ABCA10: variants seen among roughly 807,000 people sequenced by gnomAD.
ABCA10 encodes the protein ATP-binding cassette sub-family A member 10.
Under a neutral mutation model 187.5 loss-of-function variants are expected in ABCA10, and 169 were observed. That is an observed-to-expected ratio of 0.90 (90% CI 0.80 to 1.02). ABCA10 has a LOEUF of 1.02. Among genes scored for constraint, ABCA10 ranks in the 50% least tolerant of loss-of-function variants. The probability of loss-of-function intolerance (pLI) is 0.00; values close to 1 mark genes in which losing one functional copy is unlikely to be tolerated. For missense variants in ABCA10, 1,727 were observed against 1,812.4 expected (o/e 0.95, Z 0.86); for synonymous variants, 574 against 601.8 (o/e 0.95, Z 0.68).
At chr17:69,179,465 C>T in intron 22 of ABCA10, among the ~76,000 whole-genome samples, 1 of 152,168 alleles carries the variant, frequency 6.6e-6, no homozygotes, top group East Asian at 1.9e-4. Flanking sequence ...GGGTGAAAGG[C>T]TACCTGGAAA....
chr17:69,209,489 A>G (rs2074620065), intron 9 of ABCA10, among the ~76,000 whole-genome samples: 1 of 152,256 alleles, frequency 6.6e-6, no homozygotes, highest in Non-Finnish European at 1.5e-5. Context: ...CGATAGTACA[A>G]TAAAGATTAA....
At chr17:69,200,509 G>T (rs997777733) in intron 10 of ABCA10, among the ~76,000 whole-genome samples, 1 of 152,110 alleles carries the variant, frequency 6.6e-6, no homozygotes, top group African/African-American at 2.4e-5. Context: ...TAAATACCTA[G>T]GGAAGTATGC....
At chr17:69,190,620 C>T (rs2074452795) in intron 17 of ABCA10, 143 bp from the exon 18 acceptor site, 4 of 717,260 alleles carry the variant, frequency 5.6e-6, no homozygotes, top group East Asian at 3.5e-5. Context: ...GAAACCTTTT[C>T]TGTAAGATAT....
At chr17:69,211,293 A>T (rs12946022) in intron 9 of ABCA10, among the ~76,000 whole-genome samples, 57,774 of 119,112 alleles carry the variant, frequency 0.49, 13,877 homozygotes, top group Non-Finnish European at 0.55. Flanking sequence ...TATATATATC[A>T]TATATATACA....
intron 5 of ABCA10, among the ~76,000 whole-genome samples, chr17:69,220,403 G>C (rs890904373): frequency 6.6e-6 from 1 of 152,194 alleles, no homozygotes; most frequent in Admixed American, 6.5e-5. Context: ...CACTCCCATA[G>C]TTTAGGCAAG....
At chr17:69,226,122 T>C (rs1467847375) in intron 2 of ABCA10, among the ~76,000 whole-genome samples, 5 of 152,062 alleles carry the variant, frequency 3.3e-5, no homozygotes, top group African/African-American at 4.8e-5. Flanking sequence ...TGTAGTGGGA[T>C]AGTGGTAATG....
At position 69,184,762 on chromosome 17, in the gene ABCA10, A is replaced by T. The variant is rs560385642; in HGVS notation, c.2497+715T>A. 8.0e-4 allele frequency among the ~76,000 whole-genome samples: 122 copies of T among 152,210 alleles called. 1 individual carries two copies. Among genetic ancestry groups the T allele is most frequent in the African/African-American group, 2.8e-3 (116 of 41,530 alleles). ...AGATACTTGCACACACATTTATAGC[A>T]GCACAGTTCACAATTGTGAAAATAT... On this transcript the variant is annotated intron_variant, in intron 20 of 38. Coordinates refer to ENST00000690296, the MANE Select transcript of ABCA10 (RefSeq NM_001377321.1).
At chr17:69,210,847 C>CATATATATATATATATATATATAT (rs57227408) in intron 9 of ABCA10, among the ~76,000 whole-genome samples, 930 of 37,346 alleles carry the variant, frequency 0.025, 23 homozygotes, top group Non-Finnish European at 0.046. Flanking sequence ...ATTTATGCCA[C>CATATATATATATATATATATATAT]ATATATATAT....
intron 1 of ABCA10, chr17:69,244,211 TTA>T (rs2074925857): frequency 6.6e-6 from 1 of 152,122 alleles, no homozygotes; most frequent in African/African-American, 2.4e-5. Flanking sequence ...CATACCTAGT[TTA>T]TGTTTAAAAT....
At position 69,174,703 on chromosome 17, in the gene ABCA10, G is replaced by A. The variant is rs765574663; in HGVS notation, c.2952C>T (p.Asp984=). 3 of 1,612,326 alleles carry A rather than the reference G, an allele frequency of 1.9e-6. No homozygotes were observed. The highest frequency in any genetic ancestry group is 2.2e-5 in the South Asian group (2 of 90,900). ...SAYWCGQALV[D]IPLYFLILFS... ...AGAGAATCAAGAAGTATAATGGAAT[G>A]TCCACCAGAGCCTGTCCACACCAGT... The change falls in exon 24 of 39, where the codon GAC becomes GAT. Residue 984 remains aspartate, a synonymous_variant. Coordinates refer to ENST00000690296, the MANE Select transcript of ABCA10 (RefSeq NM_001377321.1).
At chr17:69,180,283 T>C (rs1273503421) in intron 22 of ABCA10, among the ~76,000 whole-genome samples, 2 of 152,186 alleles carry the variant, frequency 1.3e-5, no homozygotes, top group Non-Finnish European at 2.9e-5. Context: ...CACTCATTCA[T>C]CCATTCAACA....
chr17:69,216,120 A>C, intron 7 of ABCA10, 97 bp downstream of exon 7: 1 of 1,544,128 alleles, frequency 6.5e-7, no homozygotes. Flanking sequence ...TAGGATAGAA[A>C]ATATAGTGAT....
In ABCA10 at chr17:69,195,203, G is replaced by A. The variant is rs73358092; in HGVS notation, c.1235-708C>T. 4.4e-3 allele frequency among the ~76,000 whole-genome samples: 663 copies of A among 152,184 alleles called. 3 individuals are homozygous for A. The highest frequency in any genetic ancestry group is 0.015 in the African/African-American group (618 of 41,502). ...TGAAGACAGAAAACAGAGGGAATTAGATTGTCAGAGCGTCAAAAATCAGGC... is the reference window on the plus strand; with the variant it reads ...TGAAGACAGAAAACAGAGGGAATTAAATTGTCAGAGCGTCAAAAATCAGGC... On this transcript the variant is annotated intron_variant, in intron 11 of 38. Transcript: ENST00000690296.
chr17:69,210,181 T>TTTTTC (rs2074629178), intron 9 of ABCA10, among the ~76,000 whole-genome samples: 4 of 95,596 alleles, frequency 4.2e-5, no homozygotes, highest in African/African-American at 2.2e-4. Context: ...TTTTTTTTTT[T>TTTTTC]TTTTTTTTTT....
intron 10 of ABCA10, among the ~76,000 whole-genome samples, chr17:69,201,069 A>T (rs2074540086): frequency 6.6e-6 from 1 of 152,234 alleles, no homozygotes; most frequent in Admixed American, 6.5e-5. Context: ...AGTTTAACTG[A>T]AAGTCACAAA....
In ABCA10 at chr17:69,214,687, C is replaced by T. The variant is rs1268439834; in HGVS notation, c.1006+17G>A. The T allele has an allele frequency of 1.2e-5, 17 of 1,450,008 alleles. No homozygotes were observed. Among genetic ancestry groups the T allele is most frequent in the African/African-American group, 1.5e-5 (1 of 66,754 alleles). The allele number at this position is 1,450,008 out of a possible 1,614,324, so 89.8% of individuals were successfully genotyped here. ...AGAATTGCTTTAAATTTAACTTTAACCACACTATTAACTTACCAGGTAAAA... is the reference window on the plus strand; with the variant it reads ...AGAATTGCTTTAAATTTAACTTTAATCACACTATTAACTTACCAGGTAAAA... On this transcript the variant is annotated intron_variant, in intron 9 of 38. Coordinates refer to ENST00000690296, the MANE Select transcript of ABCA10 (RefSeq NM_001377321.1).
intron 27 of ABCA10, among the ~76,000 whole-genome samples, chr17:69,161,595 T>A (rs1320145385): frequency 6.6e-6 from 1 of 152,182 alleles, no homozygotes. Context: ...CATGAAAAAT[T>A]CATATGATGA....
chr17:69,171,137 C>T (rs2074294886), intron 25 of ABCA10, among the ~76,000 whole-genome samples: 1 of 152,050 alleles, frequency 6.6e-6, no homozygotes. Flanking sequence ...GCTCCTCTCC[C>T]CGACAAAAAC....
At chr17:69,225,563 T>C (rs2074787510) in intron 2 of ABCA10, 34 bp from the exon 3 acceptor site, 1 of 530,728 alleles carries the variant, frequency 1.9e-6, no homozygotes, top group African/African-American at 2.0e-5. Flanking sequence ...AGCCATGTTA[T>C]AACGTGGTCC....
Sources: allele counts gnomAD v4.1 joint callset (sites outside exome capture counted in the v4.1 genomes callset), GRCh38; gene constraint gnomAD v4.1.1; transcripts MANE v1.5; gene names NCBI Gene and HGNC (gene_info 2026-07-23, HGNC 2026-07-21).